SLIT2: variants seen among roughly 807,000 people sequenced by gnomAD.
The protein encoded by SLIT2 is slit homolog 2 protein.
Under a neutral mutation model 185.7 loss-of-function variants are expected in SLIT2, and 41 were observed. The ratio of observed to expected loss-of-function variants is 0.22; its 90% CI spans 0.17 to 0.29. The LOEUF (loss-of-function observed/expected upper bound fraction) is 0.29. SLIT2 is among the 10% of genes least tolerant of loss of function. SLIT2 has a pLI of 1.00. For synonymous variants in SLIT2, 693 were observed against 680.2 expected, an observed-to-expected ratio of 1.02 and a Z score of -0.29; for missense variants, 1,571 against 1,909.0, an observed-to-expected ratio of 0.82 and a Z score of 3.30.
At chr4:20,412,248 T>TAAA in intron 4 of SLIT2, among the ~76,000 whole-genome samples, 1 of 152,234 alleles carries the variant, frequency 6.6e-6, no homozygotes, top group African/African-American at 2.4e-5. Context: ...TCAATGTTTT[T>TAAA]ATCAAGAACA....
intron 29 of SLIT2, among the ~76,000 whole-genome samples, chr4:20,573,426 G>A (rs1308766233): frequency 1.3e-5 from 2 of 152,084 alleles, no homozygotes; most frequent in Non-Finnish European, 1.5e-5. Flanking sequence ...TCTATGCATC[G>A]CTATGACAAA....
intron 33 of SLIT2, among the ~76,000 whole-genome samples, chr4:20,599,373 T>C (rs1169626266): frequency 6.6e-6 from 1 of 152,114 alleles, no homozygotes; most frequent in Non-Finnish European, 1.5e-5. Flanking sequence ...ATTCACCCTT[T>C]AGAGAAGGGA....
Position 20,539,487 on chromosome 4 carries a change from A to G in SLIT2, c.1879A>G (p.Ile627Val). ...AACCTGTGTGGGGAATGACAGTTTC[A>G]TAGGACTCAGTTCTGTGCGTTTGCT... Reference protein sequence around the residue: ...RITCVGNDSFIGLSSVRLLSL... With the variant: ...RITCVGNDSFVGLSSVRLLSL... The change falls in exon 19 of 37, where the codon ATA becomes GTA. Residue 627 changes from isoleucine (I) to valine (V), a missense_variant. By Grantham distance (29) the Ile-to-Val change is conservative. Around this residue, in one of 3 missense-constraint regions of SLIT2, gnomAD observed 1,202 missense variants for 1,416.4 expected, o/e 0.85. Transcript: ENST00000504154. 6.2e-7 allele frequency: 1 copy of G among 1,613,742 alleles called. No homozygotes were observed. Among genetic ancestry groups the G allele is most frequent in the Non-Finnish European group, 8.5e-7 (1 of 1,179,846 alleles).
rs539103893 is a variant in SLIT2 at position 20,522,063 on chromosome 4, T to G, written c.1131-1697T>G. Among the ~76,000 whole-genome samples, 28 of 152,260 alleles carry G rather than the reference T, an allele frequency of 1.8e-4. No homozygotes were observed. In the South Asian group the frequency reaches 5.8e-3, roughly 32 times the overall value. On this transcript the variant is annotated intron_variant, in intron 12 of 36. Transcript: ENST00000504154. Reference sequence around the variant, plus strand: ...TAAGGCGGGAATTTAAAAAAATTTCTCCATTCCTATGGAGAAAAATATTCT... The same window carrying G: ...TAAGGCGGGAATTTAAAAAAATTTCGCCATTCCTATGGAGAAAAATATTCT...
At chr4:20,423,596 CAAGAGG>C (rs1728327428) in intron 4 of SLIT2, among the ~76,000 whole-genome samples, 3 of 152,098 alleles carry the variant, frequency 2.0e-5, no homozygotes, top group South Asian at 2.1e-4. Context: ...TCACTGACCA[CAAGAGG>C]TCTGCCTTTG....
intron 29 of SLIT2, among the ~76,000 whole-genome samples, chr4:20,581,834 C>T (rs994826519): frequency 6.6e-6 from 1 of 152,184 alleles, no homozygotes; most frequent in Non-Finnish European, 1.5e-5. Flanking sequence ...GCAACCTCCA[C>T]CTCCCGGGTT....
At position 20,256,693 on chromosome 4, in the gene SLIT2, C is replaced by T; in HGVS notation, c.201C>T (p.Ile67=). The change falls in exon 2 of 37, where the codon ATC becomes ATT. Residue 67 remains isoleucine, a synonymous_variant. Coordinates refer to ENST00000504154, the MANE Select transcript of SLIT2 (RefSeq NM_004787.4). The stretch of plus-strand genomic sequence containing the variant: ...TTAGGGATTTAAATGGAAATAACAT[C>T]ACAAGAATTACGAAGACAGATTTTG... ...TERLDLNGNN[I]TRITKTDFAG... is the part of the protein sequence containing the mutation. 6.4e-7 allele frequency: 1 copy of T among 1,572,104 alleles called. No homozygotes were observed. The highest frequency in any genetic ancestry group is 8.7e-7 in the Non-Finnish European group (1 of 1,148,372).
intron 5 of SLIT2, among the ~76,000 whole-genome samples, chr4:20,476,101 T>C (rs1331925738): frequency 1.3e-5 from 2 of 152,172 alleles, no homozygotes; most frequent in Non-Finnish European, 2.9e-5. Context: ...CTGAAACTTA[T>C]GTCAAGGATG....
intron 29 of SLIT2, 110 bp from the exon 30 acceptor site, chr4:20,589,534 T>G (rs1426618039): frequency 1.9e-5 from 16 of 825,886 alleles, no homozygotes; most frequent in Non-Finnish European, 3.0e-5. Flanking sequence ...TTTGTTTTGT[T>G]TTAAATCACA....
intron 4 of SLIT2, among the ~76,000 whole-genome samples, chr4:20,309,037 A>G (rs1284087892): frequency 6.6e-6 from 1 of 152,192 alleles, no homozygotes; most frequent in African/African-American, 2.4e-5. Flanking sequence ...CAGATTCATC[A>G]TTATTATCAT....
intron 34 of SLIT2, among the ~76,000 whole-genome samples, chr4:20,613,815 C>T (rs1411572445): frequency 6.6e-6 from 1 of 152,188 alleles, no homozygotes; most frequent in Non-Finnish European, 1.5e-5. Flanking sequence ...TATGGAGAGG[C>T]AGCTTAACCT....
At chr4:20,597,706 T>C (rs558531714) in intron 32 of SLIT2, among the ~76,000 whole-genome samples, 2 of 152,328 alleles carry the variant, frequency 1.3e-5, no homozygotes, top group South Asian at 2.1e-4. Flanking sequence ...AAGAGAATCC[T>C]GGAAGGCATG....
At chr4:20,593,579 A>T (rs1343362049) in intron 30 of SLIT2, among the ~76,000 whole-genome samples, 1 of 152,142 alleles carries the variant, frequency 6.6e-6, no homozygotes, top group Non-Finnish European at 1.5e-5. Flanking sequence ...TATAGTTCAT[A>T]CTGTATTATA....
In SLIT2 at chr4:20,278,514, C is replaced by T. The variant is rs74424600; in HGVS notation, c.395+9633C>T. On this transcript the variant is annotated intron_variant, in intron 4 of 36. Coordinates refer to ENST00000504154, the MANE Select transcript of SLIT2 (RefSeq NM_004787.4). ...CACTTTGATCTTTTTCTTCCCAAAG[C>T]GACTTTTCTACCCAGCCTCTTGTCA... 2.9e-3 allele frequency among the ~76,000 whole-genome samples: 441 copies of T among 152,060 alleles called. 14 individuals are homozygous for T. In the East Asian group the frequency reaches 0.071, roughly 24 times the overall value.
intron 4 of SLIT2, among the ~76,000 whole-genome samples, chr4:20,454,172 C>T (rs1712787703): frequency 6.6e-6 from 1 of 152,162 alleles, no homozygotes; most frequent in African/African-American, 2.4e-5. Context: ...CCAGTCTTCC[C>T]TGAGTTTCAT....
chr4:20,530,735 T>C (rs915137731), intron 16 of SLIT2, among the ~76,000 whole-genome samples: 1 of 152,146 alleles, frequency 6.6e-6, no homozygotes, highest in African/African-American at 2.4e-5. Flanking sequence ...TTGCAAGTCA[T>C]GTATCTAATA....
At chr4:20,512,537 G>A (rs967187170) in intron 11 of SLIT2, among the ~76,000 whole-genome samples, 16 of 152,104 alleles carry the variant, frequency 1.1e-4, no homozygotes, top group Admixed American at 7.2e-4. Flanking sequence ...AGAAAATATA[G>A]CGTGTAGTCA....
Position 20,480,873 on chromosome 4 carries a change from A to G in SLIT2, c.539+86A>G, listed in dbSNP as rs1012566741. ...GTGGAAGCTTATCTGCTAGCTTAAA[A>G]CCTTGTTGTCAAAATAGTCTCTCAA... On this transcript the variant is annotated intron_variant, in intron 6 of 36. Transcript: ENST00000504154. 3.1e-6 allele frequency: 3 copies of G among 955,476 alleles called. No homozygotes were observed. The African/African-American group carries it at 4.9e-5, about 16-fold the overall frequency. 59.2% of individuals were successfully genotyped at this position (955,476 alleles called of 1,614,324 possible).
chr4:20,401,348 A>G (rs781324340), intron 4 of SLIT2, among the ~76,000 whole-genome samples: 1 of 151,908 alleles, frequency 6.6e-6, no homozygotes, highest in Non-Finnish European at 1.5e-5. Context: ...AAGCTAAAAT[A>G]TTGTACCTCC....
Sources: gnomAD v4.1 joint callset for allele counts (sites outside exome capture counted in the v4.1 genomes callset) on GRCh38, gnomAD v4.1.1 for gene constraint, gnomAD v4.1.1 regional missense constraint, MANE v1.5 for transcripts, NCBI Gene and HGNC (gene_info 2026-07-23, HGNC 2026-07-21) for gene names.